PREP: variants seen among roughly 807,000 people sequenced by gnomAD.
PREP encodes prolyl endopeptidase.
Under a neutral mutation model 87.6 loss-of-function variants are expected in PREP, and 29 were observed. The ratio of observed to expected loss-of-function variants is 0.33; its 90% CI spans 0.25 to 0.45. The LOEUF is 0.45. PREP is among the 20% of genes least tolerant of loss of function. PREP has a pLI of 1.00. For synonymous variants in PREP, 337 were observed against 328.6 expected (o/e 1.03, Z -0.28); for missense variants, 695 against 886.5 (o/e 0.78, Z 2.74).
chr6:105,400,705 T>C (rs1482784217), intron 1 of PREP, among the ~76,000 whole-genome samples: 1 of 152,188 alleles, frequency 6.6e-6, no homozygotes, highest in African/African-American at 2.4e-5. Context: ...TAAGCAATGG[T>C]CGATGGTATT....
chr6:105,288,605 C>T (rs549144189), intron 11 of PREP, among the ~76,000 whole-genome samples, 153 bp downstream of exon 11: 1 of 152,344 alleles, frequency 6.6e-6, no homozygotes, highest in East Asian at 1.9e-4. Flanking sequence ...GATCCGCCTG[C>T]CTCAGCCTCC....
At chr6:105,382,357 G>A (rs1197466169) in intron 2 of PREP, among the ~76,000 whole-genome samples, 4 of 150,624 alleles carry the variant, frequency 2.7e-5, no homozygotes, top group Non-Finnish European at 5.9e-5. Context: ...GCTTGATTTA[G>A]CCATTTCACA....
chr6:105,294,089 C>T (rs1389149826), intron 10 of PREP, among the ~76,000 whole-genome samples: 1 of 152,182 alleles, frequency 6.6e-6, no homozygotes, highest in Non-Finnish European at 1.5e-5. Flanking sequence ...CTTCCATTTG[C>T]TTCCCACACT....
chr6:105,294,940 T>A (rs1476700274), intron 10 of PREP, among the ~76,000 whole-genome samples: 1 of 152,184 alleles, frequency 6.6e-6, no homozygotes, highest in Non-Finnish European at 1.5e-5. Flanking sequence ...TCTTTAAATG[T>A]TACTAAATCC....
rs567155488 is a variant in PREP, at chr6:105,317,973, T to C, written c.1317+5692A>G. Among the ~76,000 whole-genome samples, 4 of 152,330 alleles carry C rather than the reference T, an allele frequency of 2.6e-5. No homozygotes were observed. The South Asian group carries it at 6.2e-4, about 24-fold the overall frequency. ...ATTACAGTATCTGAAAATTCTATTTTTTAGGAGCCTTCATTTTTCCAATCC... is the reference window on the plus strand; with the variant it reads ...ATTACAGTATCTGAAAATTCTATTTCTTAGGAGCCTTCATTTTTCCAATCC... On this transcript the variant is annotated intron_variant, in intron 10 of 14. Transcript: ENST00000652536.
At chr6:105,343,587 G>C (rs564616898) in intron 7 of PREP, among the ~76,000 whole-genome samples, 1 of 152,126 alleles carries the variant, frequency 6.6e-6, no homozygotes, top group Non-Finnish European at 1.5e-5. Context: ...ACAGTGAACA[G>C]GCAACCTACA....
intron 11 of PREP, among the ~76,000 whole-genome samples, chr6:105,287,139 G>A (rs1469606065): frequency 6.6e-6 from 1 of 151,834 alleles, no homozygotes; most frequent in East Asian, 1.9e-4. Context: ...CCTGAGGCTT[G>A]CATTCTTAGA....
chr6:105,402,809 T>G, intron 1 of PREP, 38 bp downstream of exon 1: 1 of 1,526,082 alleles, frequency 6.6e-7, no homozygotes, highest in East Asian at 2.5e-5. Context: ...TGGGCACCTT[T>G]GCCCGGGAGC....
chr6:105,361,178 CTTCATA>C (rs1772238954), intron 6 of PREP, among the ~76,000 whole-genome samples: 1 of 152,142 alleles, frequency 6.6e-6, no homozygotes, highest in African/African-American at 2.4e-5. Flanking sequence ...ACAAGCCTTT[CTTCATA>C]TTAAGAGACA....
At chr6:105,317,314 T>C (rs1215966936) in intron 10 of PREP, among the ~76,000 whole-genome samples, 13 of 152,054 alleles carry the variant, frequency 8.5e-5, no homozygotes, top group African/African-American at 2.9e-4. Flanking sequence ...GAATAACTTA[T>C]CTTGATAACA....
intron 10 of PREP, chr6:105,323,123 A>G (rs1771057010): frequency 7.7e-7 from 1 of 1,303,502 alleles, no homozygotes; most frequent in Non-Finnish European, 1.0e-6. Flanking sequence ...TGAAAAAACA[A>G]AAAAGGAGAT....
At chr6:105,283,187 C>T (rs3799995) in intron 12 of PREP, among the ~76,000 whole-genome samples, 35,370 of 152,096 alleles carry the variant, frequency 0.23, 5,568 homozygotes, top group African/African-American at 0.46. Flanking sequence ...GGTGAGGTAG[C>T]GTTGCGGCAG....
rs917515157 is a variant in PREP at position 105,276,261 on chromosome 6, C to G, written c.*1883G>C. ...GGCCAATCATGCTAGGCATTAAAAA[C>G]GTATTACTGTATTCCTCCTCCTCCT... On this transcript the variant is annotated 3_prime_UTR_variant, in exon 15 of 15. Transcript: ENST00000652536. Among the ~76,000 whole-genome samples, 1 of 152,234 alleles carries G rather than the reference C, an allele frequency of 6.6e-6. No individual in the cohort carries two copies. The highest frequency in any genetic ancestry group is 1.5e-5 in the Non-Finnish European group (1 of 68,046).
intron 10 of PREP, chr6:105,322,965 T>C: frequency 1.5e-6 from 2 of 1,292,346 alleles, no homozygotes; most frequent in South Asian, 2.5e-5. Context: ...CTGTGGCCTG[T>C]GTGGTCCAGC....
chr6:105,351,892 A>G (rs967957285), intron 7 of PREP, among the ~76,000 whole-genome samples: 1 of 152,170 alleles, frequency 6.6e-6, no homozygotes, highest in African/African-American at 2.4e-5. Context: ...CAGTTTTATT[A>G]AATGGATATA....
At position 105,276,225 on chromosome 6, in the gene PREP, T is replaced by C. The variant is rs1407459498; in HGVS notation, c.*1919A>G. Among the ~76,000 whole-genome samples the C allele has an allele frequency of 4.6e-5, 7 of 152,222 alleles. No individual in the cohort carries two copies. The highest frequency in any genetic ancestry group is 4.6e-4 in the Admixed American group (7 of 15,284). On this transcript the variant is annotated 3_prime_UTR_variant, in exon 15 of 15. Transcript: ENST00000652536. ...CAAAAATTAGGTTGGAAAAGAGAAC[T>C]CGTAACTGGAGGCCAATCATGCTAG...
chr6:105,358,238 T>C (rs944517743), intron 6 of PREP, among the ~76,000 whole-genome samples: 3 of 152,106 alleles, frequency 2.0e-5, no homozygotes, highest in Non-Finnish European at 2.9e-5. Context: ...AACATTTACA[T>C]TGCTGATATT....
intron 7 of PREP, among the ~76,000 whole-genome samples, chr6:105,336,992 CTACT>C (rs1771500220): frequency 6.6e-6 from 1 of 151,610 alleles, no homozygotes; most frequent in Non-Finnish European, 1.5e-5. Context: ...TCCAGAAGTT[CTACT>C]TAGTCATTTT....
chr6:105,295,870 T>C (rs1353191056), intron 10 of PREP, among the ~76,000 whole-genome samples: 1 of 152,236 alleles, frequency 6.6e-6, no homozygotes, highest in African/African-American at 2.4e-5. Context: ...ATTCTACAGA[T>C]GCACACACAT....
Sources: gnomAD v4.1 joint callset for allele counts (sites outside exome capture counted in the v4.1 genomes callset) on GRCh38, gnomAD v4.1.1 for gene constraint, MANE v1.5 for transcripts, NCBI Gene and HGNC (gene_info 2026-07-23, HGNC 2026-07-21) for gene names.